DSCAM: variants seen among roughly 807,000 people sequenced by gnomAD.
DSCAM encodes DS cell adhesion molecule.
A neutral mutation model predicts 217.7 loss-of-function variants in DSCAM; 47 were observed. The ratio of observed to expected loss-of-function variants is 0.22; its 90% confidence interval spans 0.17 to 0.28. The LOEUF (loss-of-function observed/expected upper bound fraction) is 0.28, where lower values mean the gene tolerates loss of function less well. DSCAM is among the 10% of genes least tolerant of loss of function. The pLI is 1.00. For missense variants in DSCAM, 2,080 were observed against 2,618.3 expected (o/e 0.79, Z 4.49); for synonymous variants, 1,056 against 1,015.3 (o/e 1.04, Z -0.76).
chr21:40,498,594 A>ATG (rs1256411630), intron 3 of DSCAM, among the ~76,000 whole-genome samples: 5 of 144,944 alleles, frequency 3.4e-5, no homozygotes, highest in South Asian at 2.2e-4. Context: ...TATATACAGT[A>ATG]TGTGTATATA....
intron 1 of DSCAM, among the ~76,000 whole-genome samples, chr21:40,709,303 G>A (rs1442863340): frequency 1.3e-5 from 2 of 152,130 alleles, no homozygotes. Flanking sequence ...AATGAAATTT[G>A]CCACATTTTT....
At chr21:40,314,181 C>T (rs1406364231) in intron 8 of DSCAM, among the ~76,000 whole-genome samples, 3 of 152,138 alleles carry the variant, frequency 2.0e-5, no homozygotes, top group Admixed American at 1.3e-4. Flanking sequence ...GCAGCCATGG[C>T]GCTTCTCTTA....
chr21:40,432,520 A>C (rs2075544347), intron 3 of DSCAM, among the ~76,000 whole-genome samples: 1 of 152,164 alleles, frequency 6.6e-6, no homozygotes, highest in Non-Finnish European at 1.5e-5. Context: ...TCCTCAATTT[A>C]ATCACATCTA....
intron 1 of DSCAM, among the ~76,000 whole-genome samples, chr21:40,744,735 A>T (rs1041001176): frequency 3.3e-5 from 5 of 151,954 alleles, no homozygotes; most frequent in South Asian, 2.1e-4. Context: ...AAAATTGTTT[A>T]AAAAAAACAA....
At chr21:40,226,086 T>G (rs2091330427) in intron 11 of DSCAM, among the ~76,000 whole-genome samples, 1 of 152,228 alleles carries the variant, frequency 6.6e-6, no homozygotes, top group Non-Finnish European at 1.5e-5. Context: ...TGTGTTCTCT[T>G]ATGATCCCTG....
At chr21:40,212,837 AC>A (rs375696728) in intron 11 of DSCAM, among the ~76,000 whole-genome samples, 5 of 152,342 alleles carry the variant, frequency 3.3e-5, no homozygotes, top group South Asian at 2.1e-4. Flanking sequence ...TCCTAAATCC[AC>A]TGAAGAATGT....
At chr21:40,118,485 G>A (rs779340400) in intron 20 of DSCAM, among the ~76,000 whole-genome samples, 6 of 152,174 alleles carry the variant, frequency 3.9e-5, no homozygotes, top group Non-Finnish European at 8.8e-5. Context: ...TACTCAGGAG[G>A]CTGAGGCAGG....
intron 20 of DSCAM, 94 bp downstream of exon 20, chr21:40,124,101 G>T: frequency 6.5e-7 from 1 of 1,545,048 alleles, no homozygotes; most frequent in Non-Finnish European, 8.9e-7. Context: ...GACCCAGGTA[G>T]GTGGGAAACA....
At chr21:40,426,970 G>A (rs1377478467) in intron 3 of DSCAM, among the ~76,000 whole-genome samples, 1 of 152,172 alleles carries the variant, frequency 6.6e-6, no homozygotes, top group East Asian at 1.9e-4. Context: ...ACTTATTACA[G>A]GGGGTATAAT....
At chr21:40,586,924 C>T (rs1326121156) in intron 3 of DSCAM, among the ~76,000 whole-genome samples, 1 of 152,136 alleles carries the variant, frequency 6.6e-6, no homozygotes, top group Non-Finnish European at 1.5e-5. Flanking sequence ...GCAGTAACCA[C>T]ATCACACAGC....
At chr21:40,701,749 T>C (rs1315826517) in intron 2 of DSCAM, among the ~76,000 whole-genome samples, 1 of 152,138 alleles carries the variant, frequency 6.6e-6, no homozygotes, top group Non-Finnish European at 1.5e-5. Flanking sequence ...CTCAGAGATG[T>C]TATTGTTAGT....
In DSCAM at chr21:40,831,465, G is replaced by A. The variant is rs183137950; in HGVS notation, c.43+15154C>T. 2.5e-3 allele frequency among the ~76,000 whole-genome samples: 386 copies of A among 152,280 alleles called. 1 individual carries two copies. Among genetic ancestry groups the A allele is most frequent in the Non-Finnish European group, 4.6e-3 (315 of 68,022 alleles). On this transcript the variant is annotated intron_variant, in intron 1 of 32. Coordinates refer to ENST00000400454, the MANE Select transcript of DSCAM (RefSeq NM_001389.5). ...GATTCAGCTTCAATAAGATTCAGAC[G>A]CTTACTAACAAAACTAATTTGGGTG... is the stretch of plus-strand genomic sequence containing the variant.
At position 40,396,949 on chromosome 21, in the gene DSCAM, G is replaced by A. The variant is rs1462903198; in HGVS notation, c.509-27704C>T. ...GAAACTTCCCAGATCACCACATCTA[G>A]ACAGTGAGGTACCAGACCCTCACCT... On this transcript the variant is annotated intron_variant, in intron 3 of 32. Transcript: ENST00000400454. Among the ~76,000 whole-genome samples, 3 of 152,114 alleles carry A rather than the reference G, an allele frequency of 2.0e-5. No homozygotes were observed. In the East Asian group the frequency reaches 5.8e-4, roughly 29 times the overall value.
At chr21:40,100,366 T>C (rs2089734539) in intron 20 of DSCAM, among the ~76,000 whole-genome samples, 1 of 152,188 alleles carries the variant, frequency 6.6e-6, no homozygotes, top group Non-Finnish European at 1.5e-5. Context: ...ATAAATATCA[T>C]CTCCTTTTGA....
intron 3 of DSCAM, among the ~76,000 whole-genome samples, chr21:40,653,612 C>T (rs2090040484): frequency 6.6e-6 from 1 of 152,136 alleles, no homozygotes; most frequent in Non-Finnish European, 1.5e-5. Flanking sequence ...CCTTTAGCCC[C>T]AGGTTAGACT....
chr21:40,577,050 G>A (rs2076857085), intron 3 of DSCAM, among the ~76,000 whole-genome samples: 1 of 151,028 alleles, frequency 6.6e-6, no homozygotes, highest in Admixed American at 6.6e-5. Flanking sequence ...GGGTATCTTA[G>A]TGAAAATTCT....
intron 2 of DSCAM, among the ~76,000 whole-genome samples, chr21:40,704,345 C>G (rs1189437444): frequency 6.6e-6 from 1 of 152,154 alleles, no homozygotes; most frequent in Non-Finnish European, 1.5e-5. Flanking sequence ...TCCCCCATAT[C>G]TTTTCATAGC....
intron 11 of DSCAM, among the ~76,000 whole-genome samples, chr21:40,233,203 A>G (rs940285464): frequency 2.6e-5 from 4 of 152,164 alleles, no homozygotes; most frequent in African/African-American, 9.7e-5. Context: ...CCTTAAGAGT[A>G]CTTGTTTAAA....
At chr21:40,809,476 T>TA (rs766904306) in intron 1 of DSCAM, among the ~76,000 whole-genome samples, 1 of 152,152 alleles carries the variant, frequency 6.6e-6, no homozygotes, top group Non-Finnish European at 1.5e-5. Context: ...CAGAGAATCA[T>TA]ACAGTTAAAA....
Sources: allele counts gnomAD v4.1 joint callset (sites outside exome capture counted in the v4.1 genomes callset), GRCh38; gene constraint gnomAD v4.1.1; transcripts MANE v1.5; gene names NCBI Gene and HGNC (gene_info 2026-07-23, HGNC 2026-07-21).